MUC4: variants seen among roughly 807,000 people sequenced by gnomAD.
MUC4 encodes mucin-4.
MUC4 carries 202 observed loss-of-function variants against 257.9 expected under a neutral mutation model. The observed-to-expected ratio is 0.78, with a 90% confidence interval of 0.70 to 0.88. The LOEUF is 0.88. Ranked by LOEUF, MUC4 falls within the 40% of genes least tolerant of loss-of-function variation. MUC4 has a pLI of 0.00. For missense variants in MUC4, 5,976 were observed against 6,513.7 expected (o/e 0.92, Z 2.84); for synonymous variants, 2,351 against 2,757.1 (o/e 0.85, Z 4.62).
At chr3:195,761,411 G>T in intron 15 of MUC4, 73 bp downstream of exon 15, 2 of 1,307,004 alleles carry the variant, frequency 1.5e-6, no homozygotes, top group Non-Finnish European at 2.2e-6. Context: ...TTCCTACAGG[G>T]CCGAGGGGGA....
rs1434860234 is a variant in MUC4, at chr3:195,784,051, G to C, written c.7529C>G (p.Thr2510Ser). The C allele has an allele frequency of 3.9e-6, 6 of 1,525,782 alleles. No homozygotes were observed. The highest frequency in any genetic ancestry group is 4.4e-6 in the Non-Finnish European group (5 of 1,134,108). 94.5% of individuals were successfully genotyped at this position (1,525,782 alleles called of 1,614,324 possible). Reference sequence around the variant, plus strand: ...AGTGTCGGTGACAGGTAGAGGGGTGGTGTGACCTGTAGATGCTGAGGAAGG... The same window carrying C: ...AGTGTCGGTGACAGGTAGAGGGGTGCTGTGACCTGTAGATGCTGAGGAAGG... Reference protein sequence around the residue: ...TSPSSASTGHTTPLPVTDTPS... With the variant: ...TSPSSASTGHSTPLPVTDTPS... The change falls in exon 2 of 25, where the codon ACC becomes AGC. Residue 2510 changes from threonine to serine, a missense_variant. Transcript: ENST00000463781.
chr3:195,761,048 A>G lies in MUC4; in HGVS notation c.14684T>C (p.Phe4895Ser), dbSNP rs777588531. ...GCTGTTTTTTTGCAGTTGTGAGTAG[A>G]AAACAGGGGTGAAGTTGGAAGGCAG... ...DQLPSNFTPV[F>S]YSQLQKNSSW... The change falls in exon 16 of 25, where the codon TTC becomes TCC. Residue 4895 changes from phenylalanine (F) to serine (S), a missense_variant. Coordinates refer to ENST00000463781, the MANE Select transcript of MUC4 (RefSeq NM_018406.7). 6.2e-7 allele frequency: 1 copy of G among 1,614,184 alleles called. No individual in the cohort carries two copies. The highest frequency in any genetic ancestry group is 1.1e-5 in the South Asian group (1 of 91,084).
intron 3 of MUC4, among the ~76,000 whole-genome samples, chr3:195,777,629 CCCATACCTTCCACAG>C (rs1725173732): frequency 2.1e-5 from 2 of 96,794 alleles, no homozygotes; most frequent in Non-Finnish European, 4.1e-5. Context: ...ACCTTCCACA[CCCATACCTTCCACAG>C]TCATACCTTC....
rs1187600754 is a variant in MUC4 at position 195,779,118 on chromosome 3, G to C, written c.12462C>G (p.Ser4154=). 7 of 1,514,068 alleles carry C rather than the reference G, an allele frequency of 4.6e-6. No individual in the cohort carries two copies. Among genetic ancestry groups the C allele is most frequent in the Non-Finnish European group, 6.2e-6 (7 of 1,127,260 alleles). 93.8% of individuals were successfully genotyped at this position (1,514,068 alleles called of 1,614,324 possible). Residue 4154 remains serine (S), a synonymous_variant, in exon 2 of 25, where the codon TCC becomes TCG. Coordinates refer to ENST00000463781, the MANE Select transcript of MUC4 (RefSeq NM_018406.7). ...PLPVTIPSSA[S]SGHTTSLPVT... is the part of the protein sequence containing the mutation. Reference sequence around the variant, plus strand: ...CAGGAAGAGAGGTGGTGTGACCTGAGGATGCTGAGGAAGGGATGGTGACAG... The same window carrying C: ...CAGGAAGAGAGGTGGTGTGACCTGACGATGCTGAGGAAGGGATGGTGACAG...
chr3:195,774,543 C>A (rs55933155), intron 3 of MUC4, among the ~76,000 whole-genome samples: 20,408 of 152,186 alleles, frequency 0.13, 1,552 homozygotes, highest in Non-Finnish European at 0.18. Context: ...AAAAACAGGT[C>A]CTGCTGTCAG....
intron 8 of MUC4, among the ~76,000 whole-genome samples, chr3:195,765,721 C>A (rs1720319761): frequency 6.6e-6 from 1 of 152,240 alleles, no homozygotes; most frequent in South Asian, 2.1e-4. Flanking sequence ...CTAAAATGTC[C>A]TTCAACCTAT....
At chr3:195,796,968 C>T (rs1240967531) in intron 1 of MUC4, among the ~76,000 whole-genome samples, 4 of 151,580 alleles carry the variant, frequency 2.6e-5, no homozygotes, top group African/African-American at 9.7e-5. Flanking sequence ...CATGGCCGGG[C>T]GCGGCGGCTC....
chr3:195,799,229 CTGTGTGTGTG>C (rs56897401), intron 1 of MUC4, among the ~76,000 whole-genome samples: 11,234 of 120,152 alleles, frequency 0.093, 478 homozygotes, highest in Middle Eastern at 0.23. Context: ...ATGTGTGACA[CTGTGTGTGTG>C]TGTGTGTGTG....
intron 21 of MUC4, 33 bp downstream of exon 21, chr3:195,752,340 C>G: frequency 1.3e-6 from 2 of 1,584,240 alleles, no homozygotes; most frequent in African/African-American, 1.3e-5. Flanking sequence ...CCAAGCGCCC[C>G]CTCCCACCCA....
At chr3:195,751,170 G>A (rs1371001556) in intron 22 of MUC4, 37 bp downstream of exon 22, 13 of 1,540,616 alleles carry the variant, frequency 8.4e-6, no homozygotes, top group Non-Finnish European at 1.1e-5. Context: ...GGATGAGGAA[G>A]AGATCTGGGG....
At chr3:195,753,013 A>G in intron 20 of MUC4, 38 bp downstream of exon 20, 2 of 1,556,068 alleles carry the variant, frequency 1.3e-6, no homozygotes, top group Non-Finnish European at 8.7e-7. Context: ...GGGCCCAGGA[A>G]GAGTGCGGGG....
chr3:195,752,483 G>A (rs183666569), intron 20 of MUC4, 37 bp from the exon 21 acceptor site: 294 of 1,580,624 alleles, frequency 1.9e-4, no homozygotes, highest in Admixed American at 1.1e-3. Context: ...ATCACCCCAC[G>A]GTTTACCCAG....
chr3:195,798,735 T>C (rs1734904298), intron 1 of MUC4, among the ~76,000 whole-genome samples: 1 of 152,156 alleles, frequency 6.6e-6, no homozygotes, highest in Non-Finnish European at 1.5e-5. Flanking sequence ...AAAATATATA[T>C]GTATAGTTTA....
rs967811279 is a variant in MUC4 at position 195,762,736 on chromosome 3, GCAC to G, written c.14344+116_14344+118del. 4 of 931,316 alleles carry G rather than the reference GCAC, an allele frequency of 4.3e-6. No individual in the cohort carries two copies. In the Admixed American group the frequency reaches 1.7e-4, roughly 39 times the overall value. The allele number at this position is 931,316 out of a possible 1,614,324, so 57.7% of individuals were successfully genotyped here. A position where few individuals can be genotyped will look rare whatever the true frequency, so the allele number is the denominator to read the frequency against. Reference sequence around the variant, plus strand: ...GCGGCACCGCCACGCGCCCGGCCCTGCACCACAACGCACCCGGCCCTGCACCGC... The same window carrying G: ...GCGGCACCGCCACGCGCCCGGCCCTGCACAACGCACCCGGCCCTGCACCGC... On this transcript the variant is annotated intron_variant, in intron 13 of 24. Transcript: ENST00000463781.
rs575797977 is a variant in MUC4 at position 195,755,816 on chromosome 3, C to T, written c.15168+1331G>A. 6.6e-6 allele frequency among the ~76,000 whole-genome samples: 1 copy of T among 152,066 alleles called. No homozygotes were observed. The highest frequency in any genetic ancestry group is 1.5e-5 in the Non-Finnish European group (1 of 68,022). ...CAACCGTCCCTACCTCTATCCCTTT[C>T]GAGTACCCATTCTCTGCTCATGCTT... On this transcript the variant is annotated intron_variant, in intron 18 of 24. Coordinates refer to ENST00000463781, the MANE Select transcript of MUC4 (RefSeq NM_018406.7). The surrounding 1 kb of genome is among the most constrained non-coding windows in gnomAD (Gnocchi z 5.0).
intron 21 of MUC4, chr3:195,752,118 A>G (rs562127627): frequency 1.8e-5 from 9 of 511,424 alleles, no homozygotes; most frequent in African/African-American, 1.3e-4. Flanking sequence ...CTTTCAGATC[A>G]TAACCAAGAT....
chr3:195,746,885 CGTG>C lies in MUC4; in HGVS notation c.*288_*290del, dbSNP rs71634711. The C allele has an allele frequency of 7.0e-5, 34 of 485,516 alleles. No homozygotes were observed. In the South Asian group the frequency reaches 7.1e-4, roughly 10 times the overall value. The allele number at this position is 485,516 out of a possible 1,614,324, so 30.1% of individuals were successfully genotyped here. ...TAGGGCCATCACCACATTATGAACT[CGTG>C]TGTGTGTGTGTGTGTGTGCACGCGC... On this transcript the variant is annotated 3_prime_UTR_variant, in exon 25 of 25. Coordinates refer to ENST00000463781, the MANE Select transcript of MUC4 (RefSeq NM_018406.7).
rs112164757 is a variant in MUC4 at position 195,750,872 on chromosome 3, G to T, written c.15871+17C>A. On this transcript the variant is annotated intron_variant, in intron 23 of 24. Coordinates refer to ENST00000463781, the MANE Select transcript of MUC4 (RefSeq NM_018406.7). Reference sequence around the variant, plus strand: ...CCGCAGTGACCCCCATAGTGTCCCCGGAATGGACGGACTCACGGGCTGTCA... The same window carrying T: ...CCGCAGTGACCCCCATAGTGTCCCCTGAATGGACGGACTCACGGGCTGTCA... 1.2e-6 allele frequency: 2 copies of T among 1,611,422 alleles called. No individual in the cohort carries two copies. Among genetic ancestry groups the T allele is most frequent in the Admixed American group, 3.3e-5 (2 of 59,974 alleles).
At chr3:195,751,469 G>A (rs1716426151) in intron 21 of MUC4, 198 bp from the exon 22 acceptor site, 1 of 608,094 alleles carries the variant, frequency 1.6e-6, no homozygotes. Flanking sequence ...GCTTAATAAT[G>A]TTTGTTGAGA....
Sources: allele counts gnomAD v4.1 joint callset (sites outside exome capture counted in the v4.1 genomes callset), GRCh38; gene constraint gnomAD v4.1.1; non-coding constraint Gnocchi (gnomAD v3.1); transcripts MANE v1.5; gene names NCBI Gene and HGNC (gene_info 2026-07-23, HGNC 2026-07-21).